The following OTOP2 variants were observed in gnomAD, a reference collection of about 807,000 sequenced individuals.
OTOP2 encodes the protein otopetrin 2.
In OTOP2, 41 loss-of-function variants were observed where a neutral mutation model predicts 47.4. The observed-to-expected ratio is 0.87, with a 90% CI of 0.67 to 1.12. The LOEUF (loss-of-function observed/expected upper bound fraction) is 1.12. Among genes scored for constraint, OTOP2 ranks in the 50% most tolerant of loss-of-function variants. The pLI, the probability that OTOP2 is intolerant of heterozygous loss-of-function variation, is 0.00. For synonymous variants in OTOP2, 328 were observed against 319.6 expected (o/e 1.03, Z -0.28); for missense variants, 721 against 752.2 (o/e 0.96, Z 0.49).
Position 74,930,667 on chromosome 17 carries a change from G to T in OTOP2, c.1032G>T (p.Leu344=). The part of the protein sequence containing the change: ...VCLGLTTLVS[L]SGSIIYRFDR... ...TGGGACTCACCACCTTGGTCAGCCT[G>T]AGCGGCTCCATCATCTACCGTTTTG... Residue 344 remains leucine, a synonymous_variant, in exon 6 of 7, where the codon CTG becomes CTT. Coordinates refer to ENST00000331427, the MANE Select transcript of OTOP2 (RefSeq NM_178160.3). This position sits in a 1 kb window ranked among gnomAD's most constrained non-coding sequence, Gnocchi z 4.0. The T allele has an allele frequency of 6.2e-7, 1 of 1,614,072 alleles. No homozygotes were observed. Among genetic ancestry groups the T allele is most frequent in the Non-Finnish European group, 8.5e-7 (1 of 1,180,016 alleles).
chr17:74,931,003 G>A lies in OTOP2; in HGVS notation c.1368G>A (p.Thr456=), dbSNP rs369972747. 4.2e-5 allele frequency: 67 copies of A among 1,614,084 alleles called. No homozygotes were observed. Among genetic ancestry groups the A allele is most frequent in the Admixed American group, 1.3e-4 (8 of 59,994 alleles). ...LTFTNLDALH[T]LSACPPNPGL... is the part of the protein sequence containing the mutation. ...TCACCAACCTGGATGCCCTCCACACGTTGTCCGCCTGCCCACCCAACCCCG... is the reference window on the plus strand; with the variant it reads ...TCACCAACCTGGATGCCCTCCACACATTGTCCGCCTGCCCACCCAACCCCG... The change falls in exon 6 of 7, where the codon ACG becomes ACA. Residue 456 remains threonine (T), a synonymous_variant. Coordinates refer to ENST00000331427, the MANE Select transcript of OTOP2 (RefSeq NM_178160.3).
At chr17:74,927,163 T>C in intron 3 of OTOP2, 60 bp from the exon 4 acceptor site, 2 of 1,434,074 alleles carry the variant, frequency 1.4e-6, no homozygotes, top group Non-Finnish European at 2.0e-6. Flanking sequence ...TGGACTTGGG[T>C]GCGCTGGAGT....
At chr17:74,927,595 C>A in intron 4 of OTOP2, 70 bp from the exon 5 acceptor site, 1 of 1,549,192 alleles carries the variant, frequency 6.5e-7, no homozygotes, top group South Asian at 1.2e-5. Context: ...TCAACACCAG[C>A]TCTCAGTATT....
rs899009446 is a variant in OTOP2, at chr17:74,927,366, G to A, written c.509+85G>A. Reference sequence around the variant, plus strand: ...TTCAGGCTTTCCACCCTGGGGCAGGGCCTCTCTTTATGTCCCCTGGGTGGG... The same window carrying A: ...TTCAGGCTTTCCACCCTGGGGCAGGACCTCTCTTTATGTCCCCTGGGTGGG... On this transcript the variant is annotated intron_variant, in intron 4 of 6. Transcript: ENST00000331427. The A allele has an allele frequency of 1.7e-4, 246 of 1,469,148 alleles. 4 individuals carry two copies. In the South Asian group the frequency reaches 2.7e-3, roughly 16 times the overall value. 91.0% of individuals were successfully genotyped at this position (1,469,148 alleles called of 1,614,324 possible).
At position 74,927,563 on chromosome 17, in the gene OTOP2, G is replaced by T. The variant is rs2039019844; in HGVS notation, c.510-102G>T. ...AAAATCAGCTTCCCTGTTCACACAG[G>T]GCCTGGCTGCTTTATCATTTCTCAA... On this transcript the variant is annotated intron_variant, in intron 4 of 6. Transcript: ENST00000331427. The T allele has an allele frequency of 2.0e-6, 3 of 1,478,744 alleles. No homozygotes were observed. In the South Asian group the frequency reaches 3.9e-5, roughly 19 times the overall value. 91.6% of individuals were successfully genotyped at this position (1,478,744 alleles called of 1,614,324 possible).
chr17:74,925,656 G>A lies in OTOP2; in HGVS notation c.414G>A (p.Leu138=), dbSNP rs770391462. 1.2e-6 allele frequency: 2 copies of A among 1,614,200 alleles called. No individual in the cohort carries two copies. The highest frequency in any genetic ancestry group is 1.6e-4 in the Middle Eastern group (1 of 6,062). The change falls in exon 3 of 7, where the codon CTG becomes CTA. Residue 138 remains leucine, a synonymous_variant. Coordinates refer to ENST00000331427, the MANE Select transcript of OTOP2 (RefSeq NM_178160.3). ...FFECQSAIKI[L]HPLIQAVFVI... is the part of the protein sequence containing the mutation. Reference sequence around the variant, plus strand: ...AGTGCCAGTCAGCCATCAAGATCCTGCACCCCCTCATCCAGGCTGTGTTTG... The same window carrying A: ...AGTGCCAGTCAGCCATCAAGATCCTACACCCCCTCATCCAGGCTGTGTTTG...
At chr17:74,926,382 T>C (rs1191659242) in intron 3 of OTOP2, among the ~76,000 whole-genome samples, 1 of 152,176 alleles carries the variant, frequency 6.6e-6, no homozygotes, top group Non-Finnish European at 1.5e-5. Flanking sequence ...AATGAAAATA[T>C]AGATATCCCC....
Position 74,930,156 on chromosome 17 carries a change from C to A in OTOP2, c.644-123C>A, listed in dbSNP as rs2039041422. ...CAAGATCACACCATTGCACTCCAGC[C>A]TGAGCATCAAGAGTGAAACTCCGTC... On this transcript the variant is annotated intron_variant, in intron 5 of 6. Transcript: ENST00000331427. This position sits in a 1 kb window ranked among gnomAD's most constrained non-coding sequence, Gnocchi z 4.0. 9.8e-6 allele frequency: 11 copies of A among 1,118,750 alleles called. No individual in the cohort carries two copies. In the South Asian group the frequency reaches 1.8e-4, roughly 18 times the overall value. The allele number at this position is 1,118,750 out of a possible 1,614,324, so 69.3% of individuals were successfully genotyped here.
chr17:74,931,303 GC>G, intron 6 of OTOP2, 150 bp downstream of exon 6: 1 of 1,097,490 alleles, frequency 9.1e-7, no homozygotes, highest in Non-Finnish European at 1.3e-6. Flanking sequence ...TTCAGAGGGG[GC>G]CAGCTGTAGC....
intron 3 of OTOP2, among the ~76,000 whole-genome samples, chr17:74,926,125 T>G (rs960671043): frequency 2.0e-5 from 3 of 152,234 alleles, no homozygotes; most frequent in Non-Finnish European, 4.4e-5. Context: ...AACATTCACT[T>G]TGTAGTTGTT....
chr17:74,933,578 G>C lies in OTOP2; in HGVS notation c.*33G>C, dbSNP rs772135599. 1 of 1,549,616 alleles carries C rather than the reference G, an allele frequency of 6.5e-7. No homozygotes were observed. Among genetic ancestry groups the C allele is most frequent in the South Asian group, 1.2e-5 (1 of 84,536 alleles). Reference sequence around the variant, plus strand: ...AACAGAGGCATGGGGGGCAGGAAGAGGGGGCTCAGCTCATGTGCCCACTCA... The same window carrying C: ...AACAGAGGCATGGGGGGCAGGAAGACGGGGCTCAGCTCATGTGCCCACTCA... On this transcript the variant is annotated 3_prime_UTR_variant, in exon 7 of 7. Transcript: ENST00000331427. This position sits in a 1 kb window ranked among gnomAD's most constrained non-coding sequence, Gnocchi z 4.7.
rs747061005 is a variant in OTOP2, at chr17:74,927,796, A to T, written c.641A>T (p.Asp214Val). ...SNASHARLIS[D>V]QHADNPVGGD... The stretch of plus-strand genomic sequence containing the variant: ...GCCAGCCACGCCCGTCTCATCTCTG[A>T]CCGTGAGTTTCCTCTTAATGCTGGC... Residue 214 changes from aspartate to valine, a missense_variant and splice_region_variant, in exon 5 of 7, where the codon GAC (aspartate) becomes GTC (valine). By Grantham distance (152) the Asp-to-Val change is radical. Coordinates refer to ENST00000331427, the MANE Select transcript of OTOP2 (RefSeq NM_178160.3). The T allele has an allele frequency of 1.9e-6, 3 of 1,613,710 alleles. No homozygotes were observed. The Admixed American group carries it at 5.0e-5, about 27-fold the overall frequency.
chr17:74,924,496 A>G lies in OTOP2; in HGVS notation c.-33-104A>G. 3.7e-6 allele frequency: 4 copies of G among 1,069,290 alleles called. No individual in the cohort carries two copies. The highest frequency in any genetic ancestry group is 5.2e-6 in the Non-Finnish European group (4 of 773,740). The allele number at this position is 1,069,290 out of a possible 1,614,324, so 66.2% of individuals were successfully genotyped here. ...CGCTTCCTCCAGCACCCGAAGCCCC[A>G]ACCCTGCGGGTCAGGAACTCCCTAG... On this transcript the variant is annotated intron_variant, in intron 1 of 6. Coordinates refer to ENST00000331427, the MANE Select transcript of OTOP2 (RefSeq NM_178160.3). The surrounding 1 kb of genome is among the most constrained non-coding windows in gnomAD (Gnocchi z 7.7).
At chr17:74,932,692 T>G (rs1295172474) in intron 6 of OTOP2, among the ~76,000 whole-genome samples, 1 of 152,218 alleles carries the variant, frequency 6.6e-6, no homozygotes, top group African/African-American at 2.4e-5. Context: ...CTTCTCCATC[T>G]CCTTCATTTT....
In OTOP2 at chr17:74,924,531, C is replaced by G; in HGVS notation, c.-33-69C>G. The G allele has an allele frequency of 7.4e-7, 1 of 1,354,824 alleles. No individual in the cohort carries two copies. The highest frequency in any genetic ancestry group is 9.8e-7 in the Non-Finnish European group (1 of 1,025,634). The allele number at this position is 1,354,824 out of a possible 1,614,324, so 83.9% of individuals were successfully genotyped here. A position where few individuals can be genotyped will look rare whatever the true frequency, so the allele number is the denominator to read the frequency against. Reference sequence around the variant, plus strand: ...GTCAGGAACTCCCTAGTCCCCAAGTCTAGGGATGAGATGGGGGAAGGAGAG... The same window carrying G: ...GTCAGGAACTCCCTAGTCCCCAAGTGTAGGGATGAGATGGGGGAAGGAGAG... On this transcript the variant is annotated intron_variant, in intron 1 of 6. Transcript: ENST00000331427. This position sits in a 1 kb window ranked among gnomAD's most constrained non-coding sequence, Gnocchi z 7.7.
At position 74,924,884 on chromosome 17, in the gene OTOP2, C is replaced by G. The variant is rs1420733839; in HGVS notation, c.252C>G (p.Thr84=). The G allele has an allele frequency of 1.3e-6, 2 of 1,599,312 alleles. No homozygotes were observed. The highest frequency in any genetic ancestry group is 8.5e-7 in the Non-Finnish European group (1 of 1,173,864). The change falls in exon 2 of 7, where the codon ACC becomes ACG. Residue 84 remains threonine (T), a synonymous_variant. Coordinates refer to ENST00000331427, the MANE Select transcript of OTOP2 (RefSeq NM_178160.3). The surrounding 1 kb of genome is among the most constrained non-coding windows in gnomAD (Gnocchi z 7.7). ...GGATCCTCTTCTACCTCCTCCGAACCGTGCGCTGCCCCTGCGCGGTACCCT... is the reference window on the plus strand; with the variant it reads ...GGATCCTCTTCTACCTCCTCCGAACGGTGCGCTGCCCCTGCGCGGTACCCT... The part of the protein sequence containing the change: ...TLWILFYLLR[T]VRCPCAVPYR...
chr17:74,927,038 G>A (rs1004794772), intron 3 of OTOP2, among the ~76,000 whole-genome samples, 185 bp from the exon 4 acceptor site: 2 of 152,146 alleles, frequency 1.3e-5, no homozygotes, highest in African/African-American at 4.8e-5. Context: ...GCCTCCCAAA[G>A]TGCTGGGATT....
intron 4 of OTOP2, 23 bp from the exon 5 acceptor site, chr17:74,927,642 T>G: frequency 1.2e-6 from 2 of 1,602,742 alleles, no homozygotes; most frequent in Non-Finnish European, 1.7e-6. Context: ...GGCCTCTTTG[T>G]CCCCACCCCT....
intron 2 of OTOP2, among the ~76,000 whole-genome samples, chr17:74,925,172 G>A (rs780126788): frequency 6.6e-6 from 1 of 152,122 alleles, no homozygotes; most frequent in Non-Finnish European, 1.5e-5. Flanking sequence ...CTTTGCCCCC[G>A]GTCTGAAGAT....
Sources: allele counts gnomAD v4.1 joint callset (sites outside exome capture counted in the v4.1 genomes callset), GRCh38; gene constraint gnomAD v4.1.1; non-coding constraint Gnocchi (gnomAD v3.1); transcripts MANE v1.5; gene names NCBI Gene and HGNC (gene_info 2026-07-23, HGNC 2026-07-21).